Variants in PLCB4 observed in about 807,000 individuals in gnomAD.
PLCB4 encodes the protein phospholipase C beta 4, also known as 1-phosphatidylinositol 4,5-bisphosphate phosphodiesterase beta-4.
In PLCB4, 77 loss-of-function variants were observed where a neutral mutation model predicts 178.8. The observed-to-expected ratio is 0.43, with a 90% confidence interval of 0.36 to 0.52. The LOEUF (loss-of-function observed/expected upper bound fraction) is 0.52. Among genes scored for constraint, PLCB4 ranks in the 20% least tolerant of loss-of-function variants. PLCB4 has a pLI of 0.00. For synonymous variants in PLCB4, 496 were observed against 490.8 expected (o/e 1.01, Z -0.14); for missense variants, 1,024 against 1,453.4 (o/e 0.70, Z 4.80).
chr20:9,450,947 C>A (rs1024704397), intron 32 of PLCB4, among the ~76,000 whole-genome samples: 2 of 152,098 alleles, frequency 1.3e-5, no homozygotes, highest in Middle Eastern at 6.8e-3. Flanking sequence ...CTGTGCCCAG[C>A]CCTAACTCAG....
At chr20:9,076,833 T>G (rs2146492290) in intron 1 of PLCB4, among the ~76,000 whole-genome samples, 1 of 152,354 alleles carries the variant, frequency 6.6e-6, no homozygotes, top group Admixed American at 6.5e-5. Flanking sequence ...TCTTTTAATT[T>G]TTTTTCATTG....
chr20:9,455,431 A>T (rs539584466), intron 33 of PLCB4, among the ~76,000 whole-genome samples: 7 of 152,300 alleles, frequency 4.6e-5, no homozygotes, highest in South Asian at 2.1e-4. Flanking sequence ...AGAAATTTTT[A>T]AAAAATTGAT....
rs537095950 is a variant in PLCB4, at chr20:9,254,164, G to A, written c.-16+36712G>A. Among the ~76,000 whole-genome samples the A allele has an allele frequency of 3.3e-5, 5 of 152,184 alleles. No homozygotes were observed. The South Asian group carries it at 1.0e-3, about 32-fold the overall frequency. On this transcript the variant is annotated intron_variant, in intron 3 of 39. Coordinates refer to ENST00000378473, the MANE Select transcript of PLCB4 (RefSeq NM_001377142.1). ...ATAAGAAGACTAATCTAAAATTTAG[G>A]CTGTATAAAAGTTAGGCTGTGTAAT...
chr20:9,196,438 G>A (rs2093473414), intron 2 of PLCB4, among the ~76,000 whole-genome samples: 1 of 152,174 alleles, frequency 6.6e-6, no homozygotes, highest in African/African-American at 2.4e-5. Flanking sequence ...ATGAAGGAAA[G>A]TTATTCCCCT....
intron 28 of PLCB4, among the ~76,000 whole-genome samples, chr20:9,430,518 G>A (rs1239328747): frequency 1.3e-5 from 2 of 152,154 alleles, no homozygotes; most frequent in African/African-American, 2.4e-5. Flanking sequence ...AAATAAGGCA[G>A]CATGTTAGGA....
intron 3 of PLCB4, among the ~76,000 whole-genome samples, chr20:9,264,900 G>A (rs1371941312): frequency 2.0e-5 from 3 of 152,028 alleles, no homozygotes; most frequent in Non-Finnish European, 2.9e-5. Context: ...TCATCCTGTC[G>A]ACCGTTTACC....
chr20:9,071,362 C>G (rs1600208939), intron 1 of PLCB4, among the ~76,000 whole-genome samples: 1 of 152,174 alleles, frequency 6.6e-6, no homozygotes, highest in Admixed American at 6.5e-5. Flanking sequence ...TAAGATACCA[C>G]TAACTTCATT....
chr20:9,377,432 C>A (rs2036768331), intron 12 of PLCB4, among the ~76,000 whole-genome samples: 1 of 152,140 alleles, frequency 6.6e-6, no homozygotes, highest in South Asian at 2.1e-4. Flanking sequence ...TCCTTCTCCT[C>A]TTGTTTTTCC....
intron 3 of PLCB4, among the ~76,000 whole-genome samples, chr20:9,275,404 G>A (rs1383411339): frequency 6.6e-6 from 1 of 152,084 alleles, no homozygotes; most frequent in Non-Finnish European, 1.5e-5. Flanking sequence ...TGAGATTTGG[G>A]TGGGGACACA....
At chr20:9,395,458 C>A in intron 18 of PLCB4, 65 bp from the exon 19 acceptor site, 1 of 1,087,732 alleles carries the variant, frequency 9.2e-7, no homozygotes, top group Non-Finnish European at 1.4e-6. Context: ...GTGTCGATCT[C>A]AAGGCCTAGG....
intron 3 of PLCB4, among the ~76,000 whole-genome samples, chr20:9,298,301 G>C (rs765449658): frequency 1.7e-4 from 26 of 152,014 alleles, no homozygotes; most frequent in Non-Finnish European, 2.8e-4. Context: ...CTCAATTTCT[G>C]TCTTTGTTTC....
intron 38 of PLCB4, among the ~76,000 whole-genome samples, chr20:9,474,547 A>T (rs1007191842): frequency 6.6e-6 from 1 of 152,196 alleles, no homozygotes. Context: ...CTTGTGCCAC[A>T]TTATTCCTTC....
At chr20:9,226,576 G>GTTT (rs2093868450) in intron 3 of PLCB4, among the ~76,000 whole-genome samples, 1 of 152,208 alleles carries the variant, frequency 6.6e-6, no homozygotes, top group African/African-American at 2.4e-5. Flanking sequence ...AGTATTGACA[G>GTTT]GGAGATGGTG....
At chr20:9,120,480 A>G (rs924431387) in intron 2 of PLCB4, among the ~76,000 whole-genome samples, 1 of 151,840 alleles carries the variant, frequency 6.6e-6, no homozygotes, top group African/African-American at 2.4e-5. Context: ...TCTTAGCAAC[A>G]TCTTGCCATC....
intron 20 of PLCB4, among the ~76,000 whole-genome samples, chr20:9,403,581 A>C (rs1303516052): frequency 6.6e-6 from 1 of 152,252 alleles, no homozygotes; most frequent in Non-Finnish European, 1.5e-5. Context: ...CATGTGGTGG[A>C]AGATTTTTTG....
intron 32 of PLCB4, among the ~76,000 whole-genome samples, chr20:9,446,679 A>G (rs1020413000): frequency 1.3e-5 from 2 of 152,168 alleles, no homozygotes; most frequent in Non-Finnish European, 2.9e-5. Flanking sequence ...TCAGGAGTTT[A>G]AGACCAGCCT....
chr20:9,412,615 CCA>C, intron 25 of PLCB4, among the ~76,000 whole-genome samples: 1 of 152,312 alleles, frequency 6.6e-6, no homozygotes, highest in Non-Finnish European at 1.5e-5. Context: ...ACTGTAGAAT[CCA>C]GTCTGAGCAA....
At chr20:9,392,152 G>A (rs2038199842) in intron 17 of PLCB4, among the ~76,000 whole-genome samples, 1 of 152,220 alleles carries the variant, frequency 6.6e-6, no homozygotes, top group African/African-American at 2.4e-5. Context: ...GAAGTGATGT[G>A]CACATACTTT....
intron 13 of PLCB4, among the ~76,000 whole-genome samples, chr20:9,383,838 C>T (rs1031755777): frequency 1.3e-5 from 2 of 152,186 alleles, no homozygotes; most frequent in African/African-American, 4.8e-5. Context: ...CCCCAATTGA[C>T]AGAAGAAGAA....
Sources: allele counts gnomAD v4.1 joint callset (sites outside exome capture counted in the v4.1 genomes callset), GRCh38; gene constraint gnomAD v4.1.1; transcripts MANE v1.5; gene names NCBI Gene and HGNC (gene_info 2026-07-23, HGNC 2026-07-21).